Variants in SOX13 observed in about 807,000 individuals in gnomAD.
SOX13 encodes SRY-box transcription factor 13.
Under a neutral mutation model 71.8 loss-of-function variants are expected in SOX13, and 28 were observed. The ratio of observed to expected loss-of-function variants is 0.39; its 90% CI spans 0.29 to 0.53. The LOEUF is 0.53. Among genes scored for constraint, SOX13 ranks in the 20% least tolerant of loss-of-function variants. The pLI is 0.70. For missense variants in SOX13, 627 were observed against 810.3 expected (o/e 0.77, Z 2.75); for synonymous variants, 309 against 317.8 (o/e 0.97, Z 0.29).
Position 204,084,787 on chromosome 1 carries a change from C to T in SOX13, c.-2+11076C>T, listed in dbSNP as rs967216068. Among the ~76,000 whole-genome samples the T allele has an allele frequency of 1.2e-4, 4 of 34,336 alleles. No homozygotes were observed. In the African/African-American group the frequency reaches 1.2e-3, roughly 11 times the overall value. 22.5% of individuals were successfully genotyped at this position (34,336 alleles called of 152,430 possible). On this transcript the variant is annotated intron_variant, in intron 1 of 13. Transcript: ENST00000367204. The stretch of plus-strand genomic sequence containing the variant: ...CTTCCAGATTCACCCCCTTGCCTCT[C>T]AGGGTTTGTTGTTGCTTGAGACAGA...
chr1:204,088,274 A>T (rs1366386794), intron 1 of SOX13, among the ~76,000 whole-genome samples: 1 of 151,982 alleles, frequency 6.6e-6, no homozygotes, highest in Non-Finnish European at 1.5e-5. Flanking sequence ...GACCAAGGAG[A>T]GGCATTGGTG....
intron 1 of SOX13, among the ~76,000 whole-genome samples, chr1:204,077,740 C>T (rs1655812231): frequency 6.6e-6 from 1 of 152,126 alleles, no homozygotes; most frequent in Non-Finnish European, 1.5e-5. Flanking sequence ...GTTTTAATTT[C>T]TTTCTTTATC....
At position 204,124,791 on chromosome 1, in the gene SOX13, G is replaced by A. The variant is rs767846521; in HGVS notation, c.1526G>A (p.Arg509His). Reference protein sequence around the residue: ...RTCIVEGKRLRVGEYKALMRT... With the variant: ...RTCIVEGKRLHVGEYKALMRT... ...TGCATCGTGGAGGGCAAGCGGCTGC[G>A]CGTGGGAGAGTACAAGGCCCTGATG... Residue 509 changes from arginine (R) to histidine (H), a missense_variant, in exon 13 of 14, where the codon CGC (arginine) becomes CAC (histidine). Transcript: ENST00000367204. 8 of 1,595,866 alleles carry A rather than the reference G, an allele frequency of 5.0e-6. No homozygotes were observed. The highest frequency in any genetic ancestry group is 2.3e-5 in the East Asian group (1 of 43,872).
intron 1 of SOX13, among the ~76,000 whole-genome samples, chr1:204,096,486 G>A (rs540817737): frequency 5.5e-4 from 83 of 150,710 alleles, no homozygotes; most frequent in Admixed American, 3.7e-3. Flanking sequence ...GTGGGTTGTC[G>A]GCTCACTGCA....
At chr1:204,093,864 A>G (rs6593993) in intron 1 of SOX13, among the ~76,000 whole-genome samples, 82,434 of 152,074 alleles carry the variant, frequency 0.54, 22,696 homozygotes, top group African/African-American at 0.64. Flanking sequence ...AGGGGCTTCC[A>G]TATGTGACCT....
chr1:204,094,906 C>T (rs538854903), intron 1 of SOX13, among the ~76,000 whole-genome samples: 1 of 152,288 alleles, frequency 6.6e-6, no homozygotes, highest in East Asian at 1.9e-4. Context: ...GGGTGGCCCA[C>T]AGAAGCCAGC....
intron 13 of SOX13, 42 bp downstream of exon 13, chr1:204,124,899 C>A: frequency 7.1e-7 from 1 of 1,416,116 alleles, no homozygotes; most frequent in Non-Finnish European, 9.7e-7. Flanking sequence ...ACTGTGTGTA[C>A]ATGTGTAGCT....
At position 204,115,548 on chromosome 1, in the gene SOX13, C is replaced by G. The variant is rs147708177; in HGVS notation, c.418+943C>G. Among the ~76,000 whole-genome samples, 25 of 139,030 alleles carry G rather than the reference C, an allele frequency of 1.8e-4. 1 individual carries two copies. Among genetic ancestry groups the G allele is most frequent in the African/African-American group, 6.7e-4 (25 of 37,474 alleles). The allele number at this position is 139,030 out of a possible 152,430, so 91.2% of individuals were successfully genotyped here. A position where few individuals can be genotyped will look rare whatever the true frequency, so the allele number is the denominator to read the frequency against. On this transcript the variant is annotated intron_variant, in intron 4 of 13. Transcript: ENST00000367204. The stretch of plus-strand genomic sequence containing the variant: ...CCAGGCACTCAGGAATAAACTGCTG[C>G]ATCAGACAGGAGCTAAACTGGAGGT...
At chr1:204,078,863 TAAAG>T (rs1553294050) in intron 1 of SOX13, among the ~76,000 whole-genome samples, 2 of 152,204 alleles carry the variant, frequency 1.3e-5, no homozygotes, top group Non-Finnish European at 2.9e-5. Flanking sequence ...GCTTCTCTGA[TAAAG>T]AGTGACTGCT....
chr1:204,109,701 C>CT (rs1461164052), intron 1 of SOX13, among the ~76,000 whole-genome samples: 4 of 152,132 alleles, frequency 2.6e-5, no homozygotes, highest in African/African-American at 9.7e-5. Flanking sequence ...ACGGTTGGTT[C>CT]CAGGACCTCC....
intron 1 of SOX13, among the ~76,000 whole-genome samples, chr1:204,080,997 C>T (rs1489372938): frequency 6.6e-6 from 1 of 151,430 alleles, no homozygotes; most frequent in Non-Finnish European, 1.5e-5. Context: ...CCGCAACATC[C>T]GCCTCCCAGG....
At position 204,122,380 on chromosome 1, in the gene SOX13, C is replaced by G; in HGVS notation, c.1005C>G (p.Ser335Arg). Reference sequence around the variant, plus strand: ...GCCCCACGCGGGACCTGCAGTCCAGCCCCCCGAGCCTGCCTCTGGGTAAGC... The same window carrying G: ...GCCCCACGCGGGACCTGCAGTCCAGGCCCCCGAGCCTGCCTCTGGGTAAGC... ...HGGPTRDLQS[S>R]PPSLPLGFLG... Residue 335 changes from serine (S) to arginine (R), a missense_variant, in exon 9 of 14, where the codon AGC becomes AGG. Transcript: ENST00000367204. The G allele has an allele frequency of 6.4e-7, 1 of 1,562,722 alleles. No homozygotes were observed. Among genetic ancestry groups the G allele is most frequent in the Non-Finnish European group, 8.7e-7 (1 of 1,153,758 alleles).
Position 204,123,840 on chromosome 1 carries a change from AC to A in SOX13, c.1375+38del. ...GTGGCTGGGGCCATGGTTCAGTGTG[AC>A]CTGGTTGCAGGAGCCAGCTGGGTCT... On this transcript the variant is annotated intron_variant, in intron 12 of 13. Transcript: ENST00000367204. The surrounding 1 kb of genome is among the most constrained non-coding windows in gnomAD (Gnocchi z 5.0). The A allele has an allele frequency of 6.2e-7, 1 of 1,609,854 alleles. No individual in the cohort carries two copies. The highest frequency in any genetic ancestry group is 8.5e-7 in the Non-Finnish European group (1 of 1,176,702).
chr1:204,077,348 T>C (rs1266117744), intron 1 of SOX13, among the ~76,000 whole-genome samples: 1 of 152,218 alleles, frequency 6.6e-6, no homozygotes, highest in Non-Finnish European at 1.5e-5. Context: ...ATCTGCTCTA[T>C]GATTTTAAAA....
At chr1:204,113,222 G>A in intron 2 of SOX13, 88 bp downstream of exon 2, 1 of 1,091,224 alleles carries the variant, frequency 9.2e-7, no homozygotes, top group South Asian at 1.7e-5. Flanking sequence ...TCCCCTAGAT[G>A]GCAGCAGATA....
chr1:204,090,158 A>T (rs562364016), intron 1 of SOX13, among the ~76,000 whole-genome samples: 1 of 152,232 alleles, frequency 6.6e-6, no homozygotes, highest in Non-Finnish European at 1.5e-5. Context: ...TGAAGGGCAG[A>T]TTCACTGGAA....
chr1:204,125,539 G>T (rs1656902571), intron 13 of SOX13, among the ~76,000 whole-genome samples: 2 of 152,252 alleles, frequency 1.3e-5, no homozygotes, highest in East Asian at 1.9e-4. Flanking sequence ...CTCCAGCATG[G>T]GTGACAGAGC....
intron 1 of SOX13, among the ~76,000 whole-genome samples, chr1:204,088,935 T>C (rs1656081287): frequency 6.6e-6 from 1 of 152,026 alleles, no homozygotes; most frequent in Non-Finnish European, 1.5e-5. Flanking sequence ...GCTGGTGGGT[T>C]GAGGGGAGCC....
At chr1:204,098,157 C>T (rs1656291305) in intron 1 of SOX13, among the ~76,000 whole-genome samples, 1 of 152,142 alleles carries the variant, frequency 6.6e-6, no homozygotes, top group East Asian at 1.9e-4. Context: ...CACCATCGCC[C>T]AACCTGTTTT....
Sources: gnomAD v4.1 joint callset for allele counts (sites outside exome capture counted in the v4.1 genomes callset) on GRCh38, gnomAD v4.1.1 for gene constraint, Gnocchi (gnomAD v3.1) non-coding constraint, MANE v1.5 for transcripts, NCBI Gene and HGNC (gene_info 2026-07-23, HGNC 2026-07-21) for gene names.